Variants in FNBP1 observed in about 807,000 individuals in gnomAD.
The protein encoded by FNBP1 is formin-binding protein 1.
In FNBP1, 26 loss-of-function variants were observed where a neutral mutation model predicts 90.6. The observed-to-expected ratio is 0.29, with a 90% CI of 0.21 to 0.40. The LOEUF (loss-of-function observed/expected upper bound fraction) is 0.40. FNBP1 is among the 10% of genes least tolerant of loss of function. The pLI, the probability that FNBP1 is intolerant of heterozygous loss-of-function variation, is 1.00. For missense variants in FNBP1, 635 were observed against 768.0 expected (o/e 0.83, Z 2.05); for synonymous variants, 260 against 265.2 (o/e 0.98, Z 0.19).
At position 129,887,258 on chromosome 9, in the gene FNBP1, CTCTT is replaced by C. The variant is rs1373570451; in HGVS notation, c.*3277_*3280del. 1.6e-5 allele frequency: 3 copies of C among 187,866 alleles called. No homozygotes were observed. The highest frequency in any genetic ancestry group is 7.0e-5 in the African/African-American group (3 of 42,738). The allele number at this position is 187,866 out of a possible 1,614,324, so 11.6% of individuals were successfully genotyped here. On this transcript the variant is annotated 3_prime_UTR_variant, in exon 17 of 17. Transcript: ENST00000446176. ...GGTCAATACAAGCCTCCAGTGGAAG[CTCTT>C]TATTTGGTTTAATTCCATCTCCAGA...
At chr9:129,895,437 A>G in intron 16 of FNBP1, 5 of 1,111,960 alleles carry the variant, frequency 4.5e-6, no homozygotes, top group Non-Finnish European at 5.5e-6. Flanking sequence ...GATACTAGAT[A>G]TAAACAAGAG....
rs112432600 is a variant in FNBP1, at chr9:130,031,385, C to T, written c.24+11567G>A. On this transcript the variant is annotated intron_variant, in intron 1 of 16. Coordinates refer to ENST00000446176, the MANE Select transcript of FNBP1 (RefSeq NM_015033.3). The surrounding 1 kb of genome is among the most constrained non-coding windows in gnomAD (Gnocchi z 4.2). ...TCCTCACATGGTTTTTAGCTATAGTCTGCCTCTTCAGGCTCCTATTACAAC... is the reference window on the plus strand; with the variant it reads ...TCCTCACATGGTTTTTAGCTATAGTTTGCCTCTTCAGGCTCCTATTACAAC... 8.3e-4 allele frequency among the ~76,000 whole-genome samples: 127 copies of T among 152,350 alleles called. No homozygotes were observed. Among genetic ancestry groups the T allele is most frequent in the African/African-American group, 3.0e-3 (126 of 41,578 alleles).
chr9:129,947,919 G>T lies in FNBP1; in HGVS notation c.513+9441C>A, dbSNP rs116499736. On this transcript the variant is annotated intron_variant, in intron 6 of 16. Transcript: ENST00000446176. Reference sequence around the variant, plus strand: ...TTTCAGGAGGGAGCCACTGCACTTGGCTGAGTTGCATTTTTTAAAAGATAA... The same window carrying T: ...TTTCAGGAGGGAGCCACTGCACTTGTCTGAGTTGCATTTTTTAAAAGATAA... 9.1e-3 allele frequency among the ~76,000 whole-genome samples: 1,382 copies of T among 151,566 alleles called. 21 individuals carry two copies. The highest frequency in any genetic ancestry group is 0.032 in the African/African-American group (1,311 of 41,304).
At chr9:130,007,285 CAT>C (rs1004454848) in intron 1 of FNBP1, among the ~76,000 whole-genome samples, 3 of 137,694 alleles carry the variant, frequency 2.2e-5, no homozygotes, top group Non-Finnish European at 4.8e-5. Context: ...CAGAAAGACA[CAT>C]AGAGTACAAA....
intron 15 of FNBP1, among the ~76,000 whole-genome samples, chr9:129,897,839 C>CT (rs1298419603): frequency 6.6e-6 from 1 of 151,810 alleles, no homozygotes; most frequent in African/African-American, 2.4e-5. Flanking sequence ...TCTTTTCTTT[C>CT]TTTTTTTTGA....
intron 4 of FNBP1, among the ~76,000 whole-genome samples, chr9:129,976,593 T>C (rs1303464525): frequency 6.6e-6 from 1 of 152,224 alleles, no homozygotes; most frequent in Non-Finnish European, 1.5e-5. Context: ...GCGCCCTGGC[T>C]GCTCTCTATT....
intron 1 of FNBP1, among the ~76,000 whole-genome samples, chr9:129,995,446 C>A (rs959299378): frequency 1.3e-5 from 2 of 152,174 alleles, no homozygotes; most frequent in Non-Finnish European, 1.5e-5. Flanking sequence ...CAAACATACA[C>A]CAAACCCACA....
chr9:129,963,683 C>T (rs1165509577), intron 4 of FNBP1, among the ~76,000 whole-genome samples: 1 of 149,452 alleles, frequency 6.7e-6, no homozygotes, highest in Non-Finnish European at 1.5e-5. Flanking sequence ...GGCACAATCT[C>T]GGCTCACTGC....
At chr9:130,012,393 T>C (rs553434456) in intron 1 of FNBP1, among the ~76,000 whole-genome samples, 2 of 152,258 alleles carry the variant, frequency 1.3e-5, no homozygotes, top group South Asian at 4.1e-4. Flanking sequence ...ATTTTCATCA[T>C]CATCATCATC....
intron 12 of FNBP1, among the ~76,000 whole-genome samples, chr9:129,905,294 G>GTGTGTATA (rs374989661): frequency 1.7e-4 from 23 of 132,336 alleles, no homozygotes; most frequent in African/African-American, 5.8e-4. Flanking sequence ...GTGTGTGTGT[G>GTGTGTATA]TATATATATA....
intron 8 of FNBP1, among the ~76,000 whole-genome samples, chr9:129,925,388 C>A (rs1199441460): frequency 1.3e-5 from 2 of 151,420 alleles, no homozygotes; most frequent in African/African-American, 4.8e-5. Context: ...CGCCTGTAGT[C>A]CCAGCTACTC....
intron 1 of FNBP1, among the ~76,000 whole-genome samples, chr9:129,996,537 C>T (rs117741784): frequency 4.6e-5 from 7 of 152,264 alleles, no homozygotes; most frequent in Non-Finnish European, 8.8e-5. Context: ...GCCTGTAAGA[C>T]GCAGCTATAA....
At position 129,978,558 on chromosome 9, in the gene FNBP1, T is replaced by A; in HGVS notation, c.252A>T (p.Ala84=). 1.2e-6 allele frequency: 2 copies of A among 1,613,876 alleles called. No homozygotes were observed. Among genetic ancestry groups the A allele is most frequent in the African/African-American group, 2.7e-5 (2 of 75,052 alleles). ...TCTCGGAGATAACTTCATGCTGCCC[T>A]GCGTAATCATTCATTTCGTTCAGGT... ...ISNLNEMNDY[A]GQHEVISENM... is the part of the protein sequence containing the mutation. Residue 84 remains alanine (A), a synonymous_variant, in exon 4 of 17, where the codon GCA becomes GCT. Coordinates refer to ENST00000446176, the MANE Select transcript of FNBP1 (RefSeq NM_015033.3).
At chr9:129,958,203 G>A (rs924315994) in intron 5 of FNBP1, among the ~76,000 whole-genome samples, 1 of 152,122 alleles carries the variant, frequency 6.6e-6, no homozygotes, top group Non-Finnish European at 1.5e-5. Flanking sequence ...AGGCCGAGGT[G>A]GGCGAATCAC....
chr9:129,935,986 C>A (rs186129873), intron 6 of FNBP1, among the ~76,000 whole-genome samples: 1 of 152,096 alleles, frequency 6.6e-6, no homozygotes, highest in Non-Finnish European at 1.5e-5. Flanking sequence ...CAAAAGTAAT[C>A]GCAGTTTTTG....
intron 11 of FNBP1, among the ~76,000 whole-genome samples, chr9:129,910,392 G>A (rs1340264362): frequency 6.9e-6 from 1 of 145,972 alleles, no homozygotes; most frequent in Admixed American, 7.2e-5. Context: ...TGAGGCAGGA[G>A]AATTGCTTGA....
chr9:129,890,790 C>T lies in FNBP1; in HGVS notation c.1847-244G>A, dbSNP rs1375599535. 6.6e-6 allele frequency among the ~76,000 whole-genome samples: 1 copy of T among 152,092 alleles called. No individual in the cohort carries two copies. Among genetic ancestry groups the T allele is most frequent in the Admixed American group, 6.5e-5 (1 of 15,268 alleles). ...CTTTCCTTCAGAGTTAAGAGAAGCC[C>T]AAACAGGAGACTGATGAGGCCATCC... is the stretch of plus-strand genomic sequence containing the variant. On this transcript the variant is annotated intron_variant, in intron 16 of 16. Coordinates refer to ENST00000446176, the MANE Select transcript of FNBP1 (RefSeq NM_015033.3). The surrounding 1 kb of genome is among the most constrained non-coding windows in gnomAD (Gnocchi z 5.8).
At chr9:130,019,850 G>A (rs780142025) in intron 1 of FNBP1, among the ~76,000 whole-genome samples, 17 of 152,006 alleles carry the variant, frequency 1.1e-4, no homozygotes, top group Admixed American at 5.2e-4. Context: ...GAGCCACCGC[G>A]CCCGGCCCAC....
At chr9:129,913,719 C>T (rs780594343) in intron 11 of FNBP1, among the ~76,000 whole-genome samples, 4 of 151,710 alleles carry the variant, frequency 2.6e-5, no homozygotes, top group Non-Finnish European at 5.9e-5. Flanking sequence ...TGCAGTGAGC[C>T]GAGATCGCGC....
Sources: allele counts gnomAD v4.1 joint callset (sites outside exome capture counted in the v4.1 genomes callset), GRCh38; gene constraint gnomAD v4.1.1; non-coding constraint Gnocchi (gnomAD v3.1); transcripts MANE v1.5; gene names NCBI Gene and HGNC (gene_info 2026-07-23, HGNC 2026-07-21).